Variants in NAA38 observed in about 807,000 individuals in gnomAD.
NAA38 encodes the protein LSM domain containing 1.
Under a neutral mutation model 12.6 loss-of-function variants are expected in NAA38, and 15 were observed. The observed-to-expected ratio is 1.19, with a 90% CI of 0.79 to 1.83. The LOEUF is 1.83. NAA38 is among the 40% of genes most tolerant of loss of function. NAA38 has a pLI of 0.00. For synonymous variants in NAA38, 88 were observed against 69.9 expected (o/e 1.26, Z -1.29); for missense variants, 183 against 171.7 (o/e 1.07, Z -0.37).
At chr17:7,871,665 T>C (rs1179001978) in intron 2 of NAA38, among the ~76,000 whole-genome samples, 1 of 152,156 alleles carries the variant, frequency 6.6e-6, no homozygotes, top group African/African-American at 2.4e-5. Flanking sequence ...TAAAACGTTC[T>C]TCTTTCTTTG....
At chr17:7,884,457 CATATATATATATATATATATGTATAT>C (rs1185826859) in intron 1 of NAA38, among the ~76,000 whole-genome samples, 2 of 130,834 alleles carry the variant, frequency 1.5e-5, no homozygotes, top group Admixed American at 1.6e-4. Context: ...TATATATATA[CATATATATATATATATATATGTATAT>C]ATATATATAT....
chr17:7,879,563 CTTAA>C (rs1322288069), intron 2 of NAA38, among the ~76,000 whole-genome samples: 5 of 151,992 alleles, frequency 3.3e-5, no homozygotes, highest in Non-Finnish European at 7.4e-5. Flanking sequence ...TTGAGAGTCC[CTTAA>C]AAATTTTTCT....
At chr17:7,870,651 G>A (rs1967069623) in intron 2 of NAA38, among the ~76,000 whole-genome samples, 1 of 152,040 alleles carries the variant, frequency 6.6e-6, no homozygotes, top group South Asian at 2.1e-4. Context: ...GGTGGCCGAG[G>A]TGGGCAGATC....
At chr17:7,874,919 G>T (rs1447240415) in intron 2 of NAA38, among the ~76,000 whole-genome samples, 1 of 150,886 alleles carries the variant, frequency 6.6e-6, no homozygotes, top group African/African-American at 2.4e-5. Flanking sequence ...ATTAGGTCGG[G>T]TGTGGTGGCT....
Position 7,857,465 on chromosome 17 carries a change from T to C in NAA38, c.-2A>G. The C allele has an allele frequency of 1.3e-6, 2 of 1,530,086 alleles. No homozygotes were observed. The highest frequency in any genetic ancestry group is 1.8e-6 in the Non-Finnish European group (2 of 1,138,838). 94.8% of individuals were successfully genotyped at this position (1,530,086 alleles called of 1,614,324 possible). ...CATGGTCGGTCCAGCTCCGGCCATTTGCCCGGAGGCCTCCTCTGGGCCTTT... is the reference window on the plus strand; with the variant it reads ...CATGGTCGGTCCAGCTCCGGCCATTCGCCCGGAGGCCTCCTCTGGGCCTTT... On this transcript the variant is annotated 5_prime_UTR_variant, in exon 1 of 3. Coordinates refer to ENST00000575771, the MANE Select transcript of NAA38 (RefSeq NM_001320925.4).
chr17:7,884,935 T>A lies in NAA38; in HGVS notation c.-167+230A>T, dbSNP rs1396427991. The A allele has an allele frequency of 5.9e-6, 8 of 1,348,602 alleles. No individual in the cohort carries two copies. The highest frequency in any genetic ancestry group is 7.7e-6 in the Non-Finnish European group (8 of 1,036,124). The allele number at this position is 1,348,602 out of a possible 1,614,324, so 83.5% of individuals were successfully genotyped here. A position where few individuals can be genotyped will look rare whatever the true frequency, so the allele number is the denominator to read the frequency against. On this transcript the variant is annotated intron_variant, in intron 1 of 4. Coordinates refer to the NAA38 transcript ENST00000576861. ...AGGTGGAGGCGGCCGACGAGGACGATGAGGAGGACGACGACGAGGGAGTAC... is the reference window on the plus strand; with the variant it reads ...AGGTGGAGGCGGCCGACGAGGACGAAGAGGAGGACGACGACGAGGGAGTAC...
At chr17:7,867,215 G>A (rs1567816362) in intron 2 of NAA38, among the ~76,000 whole-genome samples, 1 of 152,092 alleles carries the variant, frequency 6.6e-6, no homozygotes, top group Non-Finnish European at 1.5e-5. Context: ...AATGAGAGAC[G>A]CTGAGCCAGA....
intron 2 of NAA38, among the ~76,000 whole-genome samples, chr17:7,870,633 G>A (rs911065827): frequency 1.3e-5 from 2 of 152,098 alleles, no homozygotes; most frequent in Admixed American, 6.6e-5. Context: ...TGTAATCCCA[G>A]CACTCTGGGT....
At chr17:7,875,510 C>G (rs1967160818) in intron 2 of NAA38, among the ~76,000 whole-genome samples, 1 of 151,990 alleles carries the variant, frequency 6.6e-6, no homozygotes, top group Admixed American at 6.6e-5. Flanking sequence ...AATTTTTAAA[C>G]TTTTTTTGTA....
upstream of NAA38, chr17:7,861,718 C>A (rs895968258): frequency 6.6e-6 from 1 of 152,220 alleles, no homozygotes; most frequent in Non-Finnish European, 1.5e-5. Flanking sequence ...CACCTCTTGT[C>A]TAAACTGCTA....
chr17:7,873,872 T>C (rs1422065728), intron 2 of NAA38, among the ~76,000 whole-genome samples: 2 of 152,202 alleles, frequency 1.3e-5, no homozygotes, highest in Non-Finnish European at 2.9e-5. Flanking sequence ...TCCTTTTCTT[T>C]AAAATGAACT....
chr17:7,857,272 C>G, intron 1 of NAA38, 74 bp from the exon 2 acceptor site: 3 of 1,609,856 alleles, frequency 1.9e-6, no homozygotes, highest in Non-Finnish European at 2.5e-6. Flanking sequence ...CTCCCGGCAG[C>G]CCGCGGGGCA....
chr17:7,869,484 G>A (rs1597879658), intron 2 of NAA38, among the ~76,000 whole-genome samples: 1 of 152,244 alleles, frequency 6.6e-6, no homozygotes, highest in African/African-American at 2.4e-5. Context: ...ATGCTCAGTC[G>A]AGTGCGGTGG....
At chr17:7,885,307 CCCG>C (rs939052371), upstream of NAA38, 5,830 of 157,336 alleles carry the variant, frequency 0.037, 174 homozygotes, top group African/African-American at 0.083. Flanking sequence ...GCACCCCTCC[CCCG>C]CCGCCGCCGC....
upstream of NAA38, chr17:7,857,689 C>T: frequency 5.3e-6 from 7 of 1,320,318 alleles, no homozygotes; most frequent in African/African-American, 1.5e-5. Context: ...ATCGCGAGAC[C>T]TTTACCTCTG....
At position 7,884,927 on chromosome 17, in the gene NAA38, G is replaced by C. The variant is rs985865838; in HGVS notation, c.-167+238C>G. On this transcript the variant is annotated intron_variant, in intron 1 of 4. Transcript: ENST00000576861. ...GGAGGAGGAGGTGGAGGCGGCCGAC[G>C]AGGACGATGAGGAGGACGACGACGA... 168 of 1,410,516 alleles carry C rather than the reference G, an allele frequency of 1.2e-4. No individual in the cohort carries two copies. Among genetic ancestry groups the C allele is most frequent in the Non-Finnish European group, 1.4e-4 (154 of 1,071,724 alleles). The allele number at this position is 1,410,516 out of a possible 1,614,324, so 87.4% of individuals were successfully genotyped here.
intron 3 of NAA38, chr17:7,863,448 T>G (rs1966908190): frequency 6.6e-6 from 1 of 152,170 alleles, no homozygotes; most frequent in Non-Finnish European, 1.5e-5. Flanking sequence ...GGTCCCTACA[T>G]GCCCACATTA....
upstream of NAA38, chr17:7,862,822 T>C (rs1389187617): frequency 3.3e-5 from 5 of 151,580 alleles, no homozygotes; most frequent in African/African-American, 4.9e-5. Flanking sequence ...TTTCCCCATA[T>C]GGCCACCAGG....
At chr17:7,883,557 T>A (rs1967356362) in intron 1 of NAA38, among the ~76,000 whole-genome samples, 1 of 152,016 alleles carries the variant, frequency 6.6e-6, no homozygotes, top group South Asian at 2.1e-4. Flanking sequence ...AAGGGGAGAA[T>A]CAAACATGGA....
Sources: allele counts gnomAD v4.1 joint callset (sites outside exome capture counted in the v4.1 genomes callset), GRCh38; gene constraint gnomAD v4.1.1; transcripts MANE v1.5; gene names NCBI Gene and HGNC (gene_info 2026-07-23, HGNC 2026-07-21).